CSMD1: variants seen among roughly 807,000 people sequenced by gnomAD.
CSMD1 encodes CUB and sushi domain-containing protein 1.
CSMD1 carries 213 observed loss-of-function variants against 417.5 expected under a neutral mutation model. That is an observed-to-expected ratio of 0.51 (90% CI 0.46 to 0.57). CSMD1 has a LOEUF of 0.57. Ranked by LOEUF, CSMD1 falls within the 20% of genes least tolerant of loss-of-function variation. CSMD1 has a pLI of 0.00. For missense variants in CSMD1, 6,923 were observed against 4,529.7 expected (o/e 1.53, Z -15.17); for synonymous variants, 2,862 against 1,736.8 (o/e 1.65, Z -16.11).
intron 1 of CSMD1, among the ~76,000 whole-genome samples, chr8:4,680,975 TGAGAGAGA>T (rs59872965): frequency 2.9e-5 from 4 of 136,682 alleles, no homozygotes; most frequent in Non-Finnish European, 4.7e-5. Flanking sequence ...TGTGTGTGTG[TGAGAGAGA>T]GAGAGAGAGA....
At chr8:3,025,606 C>T (rs1809812477) in intron 51 of CSMD1, among the ~76,000 whole-genome samples, 1 of 152,242 alleles carries the variant, frequency 6.6e-6, no homozygotes, top group South Asian at 2.1e-4. Context: ...CCAATGACTA[C>T]ACTACCAACC....
intron 12 of CSMD1, among the ~76,000 whole-genome samples, chr8:3,455,617 C>T (rs1243970369): frequency 6.6e-6 from 1 of 152,208 alleles, no homozygotes; most frequent in African/African-American, 2.4e-5. Context: ...GCAGAGGCTG[C>T]AGAACAGTGG....
chr8:3,723,788 C>T (rs1038619512), intron 6 of CSMD1, among the ~76,000 whole-genome samples: 5 of 152,122 alleles, frequency 3.3e-5, no homozygotes, highest in African/African-American at 1.2e-4. Flanking sequence ...AAAGTGAACC[C>T]ATGATTTCAA....
chr8:3,795,116 A>ATACG (rs1554439935), intron 5 of CSMD1, among the ~76,000 whole-genome samples: 38 of 71,234 alleles, frequency 5.3e-4, no homozygotes, highest in East Asian at 2.3e-3. Flanking sequence ...ACAGCTATAG[A>ATACG]TATCTATCAT....
At chr8:3,733,438 T>C (rs373893192) in intron 6 of CSMD1, among the ~76,000 whole-genome samples, 3 of 151,414 alleles carry the variant, frequency 2.0e-5, no homozygotes, top group East Asian at 1.9e-4. Context: ...ATTTGGTGTA[T>C]GTATGCACTA....
At chr8:3,029,268 A>G in intron 51 of CSMD1, 51 bp downstream of exon 51, 5 of 1,474,946 alleles carry the variant, frequency 3.4e-6, no homozygotes, top group South Asian at 2.6e-5. Flanking sequence ...TAAGCCATCT[A>G]GAATAATCTA....
At chr8:3,877,519 C>G (rs1392522183) in intron 5 of CSMD1, among the ~76,000 whole-genome samples, 1 of 152,158 alleles carries the variant, frequency 6.6e-6, no homozygotes, top group Admixed American at 6.5e-5. Context: ...TGGATACCCT[C>G]AAGCTTCGAT....
At chr8:4,318,824 C>A (rs1213957692) in intron 3 of CSMD1, among the ~76,000 whole-genome samples, 9 of 151,908 alleles carry the variant, frequency 5.9e-5, no homozygotes, top group Admixed American at 5.9e-4. Flanking sequence ...TGAAAGCTAA[C>A]ATCCTCCCAT....
In CSMD1 at chr8:4,267,249, T is replaced by C. The variant is rs183258719; in HGVS notation, c.415+152704A>G. Among the ~76,000 whole-genome samples the C allele has an allele frequency of 5.0e-3, 523 of 103,930 alleles. 71 individuals carry two copies. The highest frequency in any genetic ancestry group is 0.013 in the African/African-American group (500 of 38,474). The allele number at this position is 103,930 out of a possible 152,430, so 68.2% of individuals were successfully genotyped here. ...TTAAAGAAAAGTGAGTTCAATGAAGTTGCTACTTAGAAAATATATCATGTT... is the reference window on the plus strand; with the variant it reads ...TTAAAGAAAAGTGAGTTCAATGAAGCTGCTACTTAGAAAATATATCATGTT... On this transcript the variant is annotated intron_variant, in intron 3 of 69. Coordinates refer to ENST00000635120, the MANE Select transcript of CSMD1 (RefSeq NM_033225.6).
chr8:4,368,477 T>C (rs77379545), intron 3 of CSMD1, among the ~76,000 whole-genome samples: 2,783 of 152,296 alleles, frequency 0.018, 79 homozygotes, highest in African/African-American at 0.063. Flanking sequence ...AGAATGATGC[T>C]GGTTTCATAA....
chr8:3,054,640 C>CGT (rs375303545), intron 49 of CSMD1, among the ~76,000 whole-genome samples: 600 of 151,688 alleles, frequency 4.0e-3, no homozygotes, highest in Non-Finnish European at 6.9e-3. Context: ...AAAACACATG[C>CGT]GTGTGTGTGT....
At chr8:4,441,920 A>T (rs1359581186) in intron 2 of CSMD1, among the ~76,000 whole-genome samples, 2 of 152,220 alleles carry the variant, frequency 1.3e-5, no homozygotes, top group African/African-American at 4.8e-5. Flanking sequence ...TATAAATCTT[A>T]TCAGCTTCTT....
At chr8:4,928,879 G>T (rs1415049647) in intron 1 of CSMD1, among the ~76,000 whole-genome samples, 1 of 152,028 alleles carries the variant, frequency 6.6e-6, no homozygotes, top group Non-Finnish European at 1.5e-5. Flanking sequence ...AGACCAGCCT[G>T]CCAACATGGT....
At chr8:4,778,015 T>A (rs1393368162) in intron 1 of CSMD1, among the ~76,000 whole-genome samples, 1 of 152,180 alleles carries the variant, frequency 6.6e-6, no homozygotes, top group Non-Finnish European at 1.5e-5. Flanking sequence ...TTAAATATAT[T>A]CCCGTTCTAG....
intron 3 of CSMD1, among the ~76,000 whole-genome samples, chr8:4,036,002 T>A (rs1475072404): frequency 6.6e-6 from 1 of 152,190 alleles, no homozygotes. Context: ...AATGCTGTTT[T>A]ATTACTGTAC....
At chr8:3,852,424 G>A (rs1585091980) in intron 5 of CSMD1, among the ~76,000 whole-genome samples, 1 of 152,302 alleles carries the variant, frequency 6.6e-6, no homozygotes, top group East Asian at 1.9e-4. Flanking sequence ...CCCCTGTGCT[G>A]CTGGTCAAGA....
chr8:4,032,131 C>G (rs1274402605), intron 3 of CSMD1, 32 bp from the exon 4 acceptor site: 1 of 1,546,770 alleles, frequency 6.5e-7, no homozygotes, highest in Non-Finnish European at 8.8e-7. Context: ...GGAGAAAAAA[C>G]AAGTTAAATT....
At chr8:3,588,795 C>A (rs2449184) in intron 8 of CSMD1, among the ~76,000 whole-genome samples, 5 of 151,910 alleles carry the variant, frequency 3.3e-5, no homozygotes, top group African/African-American at 4.8e-5. Flanking sequence ...AAGAGACACC[C>A]TGCAGAATGG....
At chr8:3,425,244 G>C (rs2116995039) in intron 12 of CSMD1, among the ~76,000 whole-genome samples, 1 of 152,238 alleles carries the variant, frequency 6.6e-6, no homozygotes, top group African/African-American at 2.4e-5. Flanking sequence ...GCATCCACTG[G>C]GGGACTTAGA....
Sources: allele counts gnomAD v4.1 joint callset (sites outside exome capture counted in the v4.1 genomes callset), GRCh38; gene constraint gnomAD v4.1.1; transcripts MANE v1.5; gene names NCBI Gene and HGNC (gene_info 2026-07-23, HGNC 2026-07-21).